Variants in CSMD1 observed in about 807,000 individuals in gnomAD.
The protein encoded by CSMD1 is CUB and sushi domain-containing protein 1.
Under a neutral mutation model 417.5 loss-of-function variants are expected in CSMD1, and 213 were observed. The ratio of observed to expected loss-of-function variants is 0.51; its 90% CI spans 0.46 to 0.57. The LOEUF is 0.57. Among genes scored for constraint, CSMD1 ranks in the 20% least tolerant of loss-of-function variants. The pLI is 0.00. For missense variants in CSMD1, 6,923 were observed against 4,529.7 expected, an observed-to-expected ratio of 1.53 and a Z score of -15.17; for synonymous variants, 2,862 against 1,736.8, an observed-to-expected ratio of 1.65 and a Z score of -16.11.
chr8:4,583,223 A>G (rs1287178156), intron 2 of CSMD1, among the ~76,000 whole-genome samples: 2 of 152,222 alleles, frequency 1.3e-5, no homozygotes, highest in Non-Finnish European at 2.9e-5. Flanking sequence ...GGCACACGGC[A>G]CAGGGACTGG....
chr8:4,637,236 AGGAACCAACTCC>A (rs1802876042), intron 2 of CSMD1, 94 bp downstream of exon 2: 2 of 1,004,206 alleles, frequency 2.0e-6, no homozygotes, highest in Non-Finnish European at 2.9e-6. Context: ...ACCCACCGGA[AGGAACCAACTCC>A]GGACACAATA....
intron 3 of CSMD1, among the ~76,000 whole-genome samples, chr8:4,203,290 A>C (rs948526588): frequency 6.6e-6 from 1 of 152,154 alleles, no homozygotes; most frequent in Non-Finnish European, 1.5e-5. Flanking sequence ...AGAAAAGAAC[A>C]CAGGCCCCTC....
At chr8:4,078,896 A>AATATATAT (rs1173719388) in intron 3 of CSMD1, among the ~76,000 whole-genome samples, 86 of 43,344 alleles carry the variant, frequency 2.0e-3, no homozygotes, top group African/African-American at 2.3e-3. Context: ...AATAATAATA[A>AATATATAT]ATATATATAT....
At chr8:4,167,245 G>A (rs11780496) in intron 3 of CSMD1, among the ~76,000 whole-genome samples, 13 of 152,016 alleles carry the variant, frequency 8.6e-5, no homozygotes, top group South Asian at 2.1e-4. Flanking sequence ...GAGTGTCTTC[G>A]AAGGTGAGAA....
At chr8:3,980,709 G>A (rs991893204) in intron 5 of CSMD1, among the ~76,000 whole-genome samples, 1 of 152,166 alleles carries the variant, frequency 6.6e-6, no homozygotes, top group African/African-American at 2.4e-5. Flanking sequence ...AAAGAACGAT[G>A]TGACAAGAAG....
Position 4,680,973 on chromosome 8 carries a change from T to TGAGA in CSMD1, c.86-43416_86-43415insTCTC, listed in dbSNP as rs34049081. ...TGATGTGTGTGTGTGTGTGTGTGTG[T>TGAGA]GTGAGAGAGAGAGAGAGAGAGAGAG... is the stretch of plus-strand genomic sequence containing the variant. On this transcript the variant is annotated intron_variant, in intron 1 of 69. Coordinates refer to ENST00000635120, the MANE Select transcript of CSMD1 (RefSeq NM_033225.6). Among the ~76,000 whole-genome samples, 1,076 of 138,652 alleles carry TGAGA rather than the reference T, an allele frequency of 7.8e-3. 4 individuals are homozygous for TGAGA. Among genetic ancestry groups the TGAGA allele is most frequent in the Non-Finnish European group, 9.9e-3 (633 of 64,172 alleles). 91.0% of individuals were successfully genotyped at this position (138,652 alleles called of 152,430 possible). A position where few individuals can be genotyped will look rare whatever the true frequency, so the allele number is the denominator to read the frequency against.
chr8:4,642,514 C>T (rs2725007), intron 1 of CSMD1, among the ~76,000 whole-genome samples: 113,318 of 152,084 alleles, frequency 0.75, 42,737 homozygotes, highest in African/African-American at 0.84. Context: ...AACTGATTCA[C>T]TGTGAGCATT....
intron 1 of CSMD1, among the ~76,000 whole-genome samples, chr8:4,914,096 T>C (rs1805883509): frequency 6.6e-6 from 1 of 152,026 alleles, no homozygotes; most frequent in Admixed American, 6.5e-5. Flanking sequence ...GATTTTACAT[T>C]TATGGATGAT....
At chr8:3,849,847 G>C (rs146415875) in intron 5 of CSMD1, among the ~76,000 whole-genome samples, 11 of 150,178 alleles carry the variant, frequency 7.3e-5, no homozygotes, top group African/African-American at 2.7e-4. Context: ...ATGGAGTCTC[G>C]CTCTGTCGCC....
At chr8:3,701,099 G>C (rs899378602) in intron 7 of CSMD1, among the ~76,000 whole-genome samples, 2 of 151,982 alleles carry the variant, frequency 1.3e-5, no homozygotes, top group Non-Finnish European at 2.9e-5. Flanking sequence ...CTGAATGGTG[G>C]AAGTCACAGA....
Position 4,835,381 on chromosome 8 carries a change from G to C in CSMD1, c.85+158951C>G, listed in dbSNP as rs144798544. 3.5e-3 allele frequency among the ~76,000 whole-genome samples: 536 copies of C among 152,242 alleles called. 3 individuals carry two copies. Among genetic ancestry groups the C allele is most frequent in the Middle Eastern group, 0.017 (5 of 294 alleles). On this transcript the variant is annotated intron_variant, in intron 1 of 69. Coordinates refer to ENST00000635120, the MANE Select transcript of CSMD1 (RefSeq NM_033225.6). ...AGAAAGATTCTGAGGTTAGTAATTT[G>C]GGAAGCTGAGCATATGATTTCACCA... is the stretch of plus-strand genomic sequence containing the variant.
At chr8:4,126,877 A>G (rs1437215617) in intron 3 of CSMD1, among the ~76,000 whole-genome samples, 3 of 152,144 alleles carry the variant, frequency 2.0e-5, no homozygotes, top group African/African-American at 7.2e-5. Context: ...GGACCACAGC[A>G]TCTGTCTCCT....
chr8:3,899,148 G>C (rs910034485), intron 5 of CSMD1, among the ~76,000 whole-genome samples: 1 of 152,184 alleles, frequency 6.6e-6, no homozygotes, highest in African/African-American at 2.4e-5. Context: ...AGGACACAAA[G>C]ATTGCCAGTA....
At chr8:4,379,630 A>C (rs1259784053) in intron 3 of CSMD1, among the ~76,000 whole-genome samples, 1 of 151,784 alleles carries the variant, frequency 6.6e-6, no homozygotes, top group Non-Finnish European at 1.5e-5. Flanking sequence ...AGATTTATTA[A>C]CACCAAAATG....
intron 2 of CSMD1, among the ~76,000 whole-genome samples, chr8:4,621,349 T>C (rs1585343561): frequency 6.6e-6 from 1 of 152,088 alleles, no homozygotes; most frequent in East Asian, 1.9e-4. Flanking sequence ...TGATGTCATG[T>C]TGGCACGAAA....
At chr8:4,395,050 G>A (rs764880621) in intron 3 of CSMD1, among the ~76,000 whole-genome samples, 13 of 152,116 alleles carry the variant, frequency 8.5e-5, no homozygotes, top group South Asian at 2.1e-4. Context: ...TCCCTTTCCC[G>A]TGCTGGACAG....
chr8:4,194,307 C>A (rs993337931), intron 3 of CSMD1, among the ~76,000 whole-genome samples: 1 of 152,056 alleles, frequency 6.6e-6, no homozygotes, highest in Non-Finnish European at 1.5e-5. Flanking sequence ...CCAAGTCATT[C>A]CTATAGGATG....
At chr8:3,173,661 G>A (rs1294178420) in intron 37 of CSMD1, among the ~76,000 whole-genome samples, 1 of 152,184 alleles carries the variant, frequency 6.6e-6, no homozygotes, top group Non-Finnish European at 1.5e-5. Context: ...GTTGGAGGTA[G>A]TAAGCTCTCG....
intron 3 of CSMD1, among the ~76,000 whole-genome samples, chr8:4,136,797 T>C (rs1249533504): frequency 6.6e-6 from 1 of 152,196 alleles, no homozygotes; most frequent in African/African-American, 2.4e-5. Flanking sequence ...ACTCAATAAT[T>C]TGTAAGATTG....
Sources: gnomAD v4.1 joint callset for allele counts (sites outside exome capture counted in the v4.1 genomes callset) on GRCh38, gnomAD v4.1.1 for gene constraint, MANE v1.5 for transcripts, NCBI Gene and HGNC (gene_info 2026-07-23, HGNC 2026-07-21) for gene names.